KAZN: variants seen among roughly 807,000 people sequenced by gnomAD.
KAZN encodes the protein kazrin, periplakin interacting protein.
A neutral mutation model predicts 87.4 loss-of-function variants in KAZN; 40 were observed. That is an observed-to-expected ratio of 0.46 (90% CI 0.36 to 0.60). The LOEUF (loss-of-function observed/expected upper bound fraction) is 0.60. Among genes scored for constraint, KAZN ranks in the 20% least tolerant of loss-of-function variants. The pLI is 0.00. For synonymous variants in KAZN, 466 were observed against 458.3 expected, an observed-to-expected ratio of 1.02 and a Z score of -0.22; for missense variants, 898 against 1,073.9, an observed-to-expected ratio of 0.84 and a Z score of 2.29.
chr1:14,860,921 C>T (rs1280520998), intron 1 of KAZN, among the ~76,000 whole-genome samples: 1 of 152,204 alleles, frequency 6.6e-6, no homozygotes, highest in Non-Finnish European at 1.5e-5. Context: ...AAAACGATTA[C>T]TTCTTATCAG....
intron 8 of KAZN, among the ~76,000 whole-genome samples, chr1:15,073,791 C>T (rs1171757669): frequency 1.3e-5 from 2 of 152,186 alleles, no homozygotes; most frequent in African/African-American, 4.8e-5. Flanking sequence ...GACTTCTGTC[C>T]GGTGGACCTG....
At chr1:13,972,100 T>C (rs917374937) in intron 1 of KAZN, among the ~76,000 whole-genome samples, 3 of 152,136 alleles carry the variant, frequency 2.0e-5, no homozygotes, top group Non-Finnish European at 4.4e-5. Flanking sequence ...AGATAGAGAA[T>C]TGTTTTGTGT....
intron 1 of KAZN, among the ~76,000 whole-genome samples, chr1:14,137,622 A>G (rs935830090): frequency 1.3e-5 from 2 of 151,760 alleles, no homozygotes; most frequent in East Asian, 3.9e-4. Flanking sequence ...GGGGATGACC[A>G]CAGAGATTGG....
intron 1 of KAZN, among the ~76,000 whole-genome samples, chr1:13,983,499 G>C (rs763516472): frequency 1.3e-5 from 2 of 152,198 alleles, no homozygotes; most frequent in Non-Finnish European, 2.9e-5. Flanking sequence ...AACTCTAGCT[G>C]GCCCGCAAGC....
At chr1:14,487,941 A>C (rs1346450099) in intron 2 of KAZN, among the ~76,000 whole-genome samples, 2 of 152,182 alleles carry the variant, frequency 1.3e-5, no homozygotes. Context: ...GCTGAGGGTG[A>C]GGCCTTCCAA....
chr1:14,985,382 A>C (rs553921711), intron 2 of KAZN, among the ~76,000 whole-genome samples: 131 of 151,974 alleles, frequency 8.6e-4, no homozygotes, highest in African/African-American at 3.0e-3. Context: ...ATTTTTAAAA[A>C]TTAGCTGGGC....
intron 2 of KAZN, among the ~76,000 whole-genome samples, chr1:14,246,014 G>A (rs1041849260): frequency 2.0e-5 from 3 of 152,128 alleles, no homozygotes; most frequent in African/African-American, 4.8e-5. Flanking sequence ...AAAGGAACAG[G>A]ATCATATTCT....
chr1:14,978,264 G>A (rs1380173218), intron 2 of KAZN, among the ~76,000 whole-genome samples: 1 of 152,174 alleles, frequency 6.6e-6, no homozygotes, highest in Non-Finnish European at 1.5e-5. Context: ...CTTCAGCCCA[G>A]CCTTTTCGAG....
intron 2 of KAZN, among the ~76,000 whole-genome samples, chr1:14,381,637 A>G (rs1416167409): frequency 1.3e-5 from 2 of 152,196 alleles, no homozygotes; most frequent in East Asian, 3.9e-4. Flanking sequence ...CATTCATGAT[A>G]AAAACCCTCA....
At chr1:14,197,549 G>A (rs558994351) in intron 2 of KAZN, among the ~76,000 whole-genome samples, 42 of 151,990 alleles carry the variant, frequency 2.8e-4, no homozygotes, top group African/African-American at 8.4e-4. Context: ...TTAGCCAGGC[G>A]TGGTGGCACG....
intron 2 of KAZN, among the ~76,000 whole-genome samples, chr1:14,573,514 G>A (rs1338271396): frequency 6.6e-6 from 1 of 152,068 alleles, no homozygotes; most frequent in African/African-American, 2.4e-5. Flanking sequence ...GGGGATGGTG[G>A]TGCACACCTG....
intron 2 of KAZN, among the ~76,000 whole-genome samples, chr1:14,341,760 G>T (rs2993796): frequency 0.034 from 5,177 of 152,040 alleles, 210 homozygotes; most frequent in Admixed American, 0.12. Context: ...GCCTCAGTCT[G>T]CTTAATACTC....
chr1:15,112,044 G>A (rs1054177110), intron 13 of KAZN: 1 of 199,660 alleles, frequency 5.0e-6, no homozygotes, highest in African/African-American at 2.3e-5. Context: ...ACCATGCTGA[G>A]ATTCTCATCT....
At chr1:14,077,827 C>T (rs1643520065) in intron 1 of KAZN, among the ~76,000 whole-genome samples, 1 of 152,030 alleles carries the variant, frequency 6.6e-6, no homozygotes. Flanking sequence ...CCAAGACCGA[C>T]ACAGAGGGAG....
At chr1:14,239,643 A>G (rs373881630) in intron 2 of KAZN, among the ~76,000 whole-genome samples, 97 of 151,774 alleles carry the variant, frequency 6.4e-4, no homozygotes, top group African/African-American at 2.2e-3. Flanking sequence ...TATTTTTAGT[A>G]GAGACAGGGT....
In KAZN at chr1:14,735,138, C is replaced by A. The variant is rs965877505; in HGVS notation, c.226+135915C>A. The stretch of plus-strand genomic sequence containing the variant: ...GTAGTGGCGCTATCTCGGCTCACTG[C>A]GAGCTCCGCCTCCCGGGTTCACTCC... On this transcript the variant is annotated intron_variant, in intron 1 of 14. Coordinates refer to ENST00000376030, the MANE Select transcript of KAZN (RefSeq NM_201628.3). The surrounding 1 kb of genome is among the most constrained non-coding windows in gnomAD (Gnocchi z 4.3). Among the ~76,000 whole-genome samples the A allele has an allele frequency of 3.3e-5, 5 of 152,194 alleles. No individual in the cohort carries two copies. In the South Asian group the frequency reaches 8.3e-4, roughly 25 times the overall value.
intron 1 of KAZN, among the ~76,000 whole-genome samples, chr1:14,126,095 T>A (rs1644860118): frequency 6.6e-6 from 1 of 152,092 alleles, no homozygotes. Context: ...CATGATCTGG[T>A]TTATATATGT....
rs531476174 is a variant in KAZN, at chr1:13,982,334, G to A, written c.91+88578G>A. 5.3e-5 allele frequency among the ~76,000 whole-genome samples: 8 copies of A among 152,188 alleles called. No individual in the cohort carries two copies. The East Asian group carries it at 5.8e-4, about 11-fold the overall frequency. ...AGTGTTACAGTTCTTAAGGGAGCGC[G>A]TCTGGAGTTTGTTCCTTCTGATGTT... On this transcript the variant is annotated intron_variant, in intron 1 of 16. Transcript: ENST00000636203.
intron 2 of KAZN, among the ~76,000 whole-genome samples, chr1:14,369,394 G>A (rs1031868494): frequency 1.3e-5 from 2 of 152,234 alleles, no homozygotes; most frequent in African/African-American, 2.4e-5. Context: ...TGTTTAAAAT[G>A]CAGCCTCCAC....
Sources: allele counts gnomAD v4.1 joint callset (sites outside exome capture counted in the v4.1 genomes callset), GRCh38; gene constraint gnomAD v4.1.1; non-coding constraint Gnocchi (gnomAD v3.1); transcripts MANE v1.5; gene names NCBI Gene and HGNC (gene_info 2026-07-23, HGNC 2026-07-21).